TBCC: variants seen among roughly 807,000 people sequenced by gnomAD.
TBCC encodes tubulin-specific chaperone C.
Under a neutral mutation model 25.3 loss-of-function variants are expected in TBCC, and 25 were observed. The observed-to-expected ratio is 0.99, with a 90% CI of 0.72 to 1.38. The LOEUF (loss-of-function observed/expected upper bound fraction) is 1.38. Among genes scored for constraint, TBCC ranks in the 40% most tolerant of loss-of-function variants. The probability of loss-of-function intolerance (pLI) is 0.00; values close to 1 mark genes in which losing one functional copy is unlikely to be tolerated. For missense variants in TBCC, 507 were observed against 447.2 expected, an observed-to-expected ratio of 1.13 and a Z score of -1.21; for synonymous variants, 226 against 192.8, an observed-to-expected ratio of 1.17 and a Z score of -1.43.
chr6:42,745,194 A>C lies in TBCC; in HGVS notation c.880T>G (p.Trp294Gly), dbSNP rs767724244. ...TCCTTGTCGATCTCCGGGTAGCTCC[A>C]GGTGTAAGGGGCGAACTGGATCCCA... ...CSGIQFAPYT[W>G]SYPEIDKDFE... is the part of the protein sequence containing the mutation. The change falls in exon 1 of 1, where the codon TGG becomes GGG. Residue 294 changes from tryptophan to glycine, a missense_variant. Trp to Gly is a radical substitution (Grantham distance 184, BLOSUM62 -2). Transcript: ENST00000372876. This position sits in a 1 kb window ranked among gnomAD's most constrained non-coding sequence, Gnocchi z 4.2. 1 of 1,614,200 alleles carries C rather than the reference A, an allele frequency of 6.2e-7. No homozygotes were observed. The highest frequency in any genetic ancestry group is 1.1e-5 in the South Asian group (1 of 91,082).
rs1213753387 is a variant in TBCC, at chr6:42,746,061, T to C, written c.13A>G (p.Ser5Gly). 3.7e-6 allele frequency: 6 copies of C among 1,612,922 alleles called. No homozygotes were observed. Among genetic ancestry groups the C allele is most frequent in the Non-Finnish European group, 5.1e-6 (6 of 1,179,260 alleles). The change falls in exon 1 of 1, where the codon AGT becomes GGT. Residue 5 changes from serine to glycine, a missense_variant. By Grantham distance (56) the Ser-to-Gly change is moderately conservative (BLOSUM62 0). Coordinates refer to ENST00000372876, the MANE Select transcript of TBCC (RefSeq NM_003192.3). ...GTCCTGACAGCAGCAGCGGAGCAAC[T>C]GACGGACTCCATATTGGCTTCAAGC... is the stretch of plus-strand genomic sequence containing the variant. MESV[S>G]CSAAAVRTGD...
In TBCC at chr6:42,745,398, G is replaced by T; in HGVS notation, c.676C>A (p.Arg226=). Reference sequence around the variant, plus strand: ...TTGCAGCTGTGGGCCTTGGTTAGCCGCAGGGTGTTGGGATTTCCATACAGT... The same window carrying T: ...TTGCAGCTGTGGGCCTTGGTTAGCCTCAGGGTGTTGGGATTTCCATACAGT... The part of the protein sequence containing the change: ...VRLYGNPNTL[R]LTKAHSCKLL... The change falls in exon 1 of 1, where the codon CGG becomes AGG. Residue 226 remains arginine (R), a synonymous_variant. Transcript: ENST00000372876. This position sits in a 1 kb window ranked among gnomAD's most constrained non-coding sequence, Gnocchi z 4.2. 1.2e-6 allele frequency: 2 copies of T among 1,614,202 alleles called. No individual in the cohort carries two copies. The highest frequency in any genetic ancestry group is 1.3e-5 in the African/African-American group (1 of 75,054).
At position 42,745,744 on chromosome 6, in the gene TBCC, C is replaced by T; in HGVS notation, c.330G>A (p.Leu110=). The part of the protein sequence containing the change: ...DSVFFLAAYD[L]RQGQEALARL... ...GCGCCAGCGCCTCTTGTCCCTGCCGCAGGTCGTAAGCGGCTAGGAAAAAAA... is the reference window on the plus strand; with the variant it reads ...GCGCCAGCGCCTCTTGTCCCTGCCGTAGGTCGTAAGCGGCTAGGAAAAAAA... Residue 110 remains leucine, a synonymous_variant, in exon 1 of 1, where the codon CTG becomes CTA. Coordinates refer to ENST00000372876, the MANE Select transcript of TBCC (RefSeq NM_003192.3). The surrounding 1 kb of genome is among the most constrained non-coding windows in gnomAD (Gnocchi z 4.2). 5 of 1,613,954 alleles carry T rather than the reference C, an allele frequency of 3.1e-6. No homozygotes were observed. The highest frequency in any genetic ancestry group is 4.2e-6 in the Non-Finnish European group (5 of 1,179,982).
chr6:42,745,933 C>G lies in TBCC; in HGVS notation c.141G>C (p.Arg47=). 6.2e-7 allele frequency: 1 copy of G among 1,614,232 alleles called. No individual in the cohort carries two copies. Among genetic ancestry groups the G allele is most frequent in the South Asian group, 1.1e-5 (1 of 91,092 alleles). The change falls in exon 1 of 1, where the codon CGG becomes CGC. Residue 47 remains arginine, a synonymous_variant. Transcript: ENST00000372876. The surrounding 1 kb of genome is among the most constrained non-coding windows in gnomAD (Gnocchi z 4.2). The part of the protein sequence containing the change: ...QLEVERRKQK[R]QNQEVEKENS... ...TCTCCTTCTCTACCTCCTGGTTCTG[C>G]CGCTTTTGTTTCCGCCTTTCAACTT...
In TBCC at chr6:42,745,537, G is replaced by A. The variant is rs985728818; in HGVS notation, c.537C>T (p.Gly179=). The A allele has an allele frequency of 5.0e-6, 8 of 1,611,114 alleles. No homozygotes were observed. The African/African-American group carries it at 1.1e-4, about 22-fold the overall frequency. The part of the protein sequence containing the change: ...PLPKKAEGDL[G]PSWVCGFSNL... ...TGGAGAAACCGCAGACCCAGCTGGG[G>A]CCGAGGTCTCCTTCCGCCTTCTTGG... Residue 179 remains glycine, a synonymous_variant, in exon 1 of 1, where the codon GGC becomes GGT. Transcript: ENST00000372876. This position sits in a 1 kb window ranked among gnomAD's most constrained non-coding sequence, Gnocchi z 4.2.
At position 42,745,219 on chromosome 6, in the gene TBCC, A is replaced by C. The variant is rs561730671; in HGVS notation, c.855T>G (p.Ser285Arg). 8.7e-6 allele frequency: 14 copies of C among 1,614,202 alleles called. No individual in the cohort carries two copies. The highest frequency in any genetic ancestry group is 1.1e-5 in the Non-Finnish European group (13 of 1,180,042). The stretch of plus-strand genomic sequence containing the variant: ...AGGTGTAAGGGGCGAACTGGATCCC[A>C]CTGCAGTCCTCCACGATGGCCCTGC... The part of the protein sequence containing the change: ...VTSRAIVEDC[S>R]GIQFAPYTWS... Residue 285 changes from serine to arginine, a missense_variant, in exon 1 of 1, where the codon AGT becomes AGG. Physicochemically the swap from Ser to Arg is moderately radical, Grantham distance 110. Transcript: ENST00000372876. This position sits in a 1 kb window ranked among gnomAD's most constrained non-coding sequence, Gnocchi z 4.2.
Position 42,745,592 on chromosome 6 carries a change from G to A in TBCC, c.482C>T (p.Ala161Val). 1 of 1,611,512 alleles carries A rather than the reference G, an allele frequency of 6.2e-7. No homozygotes were observed. The highest frequency in any genetic ancestry group is 8.5e-7 in the Non-Finnish European group (1 of 1,178,320). The stretch of plus-strand genomic sequence containing the variant: ...CGGGGAGTCCTGTATGCTTTCAACT[G>A]CCGGGGGGATGCCAGGAGCCGCGTC... ...KVDAAPGIPP[A>V]VESIQDSPLP... Residue 161 changes from alanine to valine, a missense_variant, in exon 1 of 1, where the codon GCA (alanine) becomes GTA (valine). Transcript: ENST00000372876. The surrounding 1 kb of genome is among the most constrained non-coding windows in gnomAD (Gnocchi z 4.2).
chr6:42,745,336 C>T lies in TBCC; in HGVS notation c.738G>A (p.Leu246=). Residue 246 remains leucine, a synonymous_variant, in exon 1 of 1, where the codon CTG becomes CTA. Transcript: ENST00000372876. The surrounding 1 kb of genome is among the most constrained non-coding windows in gnomAD (Gnocchi z 4.2). ...CCAGCACGCAGTCACTGCAGTCCTC[C>T]AGGAAAACAGAGGTAGACACCGGAC... The part of the protein sequence containing the change: ...LCGPVSTSVF[L]EDCSDCVLAV... 1.9e-6 allele frequency: 3 copies of T among 1,614,242 alleles called. No homozygotes were observed. The highest frequency in any genetic ancestry group is 2.5e-6 in the Non-Finnish European group (3 of 1,180,042).
In TBCC at chr6:42,745,667, C is replaced by T; in HGVS notation, c.407G>A (p.Arg136His). ...CTTTCCCCGGGTCTTGAAAGCGAAA[C>T]GCTTCTTGGGCTGCAGCCCCCGGCG... ...ERRRGLQPKK[R>H]FAFKTRGKDA... Residue 136 changes from arginine to histidine, a missense_variant, in exon 1 of 1, where the codon CGT (arginine) becomes CAT (histidine). Transcript: ENST00000372876. This position sits in a 1 kb window ranked among gnomAD's most constrained non-coding sequence, Gnocchi z 4.2. The T allele has an allele frequency of 6.2e-7, 1 of 1,611,834 alleles. No homozygotes were observed. Among genetic ancestry groups the T allele is most frequent in the East Asian group, 2.2e-5 (1 of 44,852 alleles).
At position 42,744,979 on chromosome 6, in the gene TBCC, G is replaced by T; in HGVS notation, c.*54C>A. The T allele has an allele frequency of 6.5e-7, 1 of 1,545,518 alleles. No individual in the cohort carries two copies. The highest frequency in any genetic ancestry group is 8.8e-7 in the Non-Finnish European group (1 of 1,133,216). ...GTAAACTTCGAGACCCAATAAGGGG[G>T]AAAGTCCAACGTGGAAAGTATTTGG... On this transcript the variant is annotated 3_prime_UTR_variant, in exon 1 of 1. Transcript: ENST00000372876.
In TBCC at chr6:42,744,716, GACA is replaced by G. The variant is rs2152015412; in HGVS notation, c.*314_*316del. On this transcript the variant is annotated 3_prime_UTR_variant, in exon 1 of 1. Coordinates refer to ENST00000372876, the MANE Select transcript of TBCC (RefSeq NM_003192.3). ...AGGTCAGGAGTTCGAGAGCAGCCCG[GACA>G]ACATGGCGAAACCCCGTCTCTACTA... The G allele has an allele frequency of 5.6e-6, 1 of 178,882 alleles. No individual in the cohort carries two copies. Among genetic ancestry groups the G allele is most frequent in the East Asian group, 1.5e-4 (1 of 6,666 alleles). 11.1% of individuals were successfully genotyped at this position (178,882 alleles called of 1,614,324 possible). A position where few individuals can be genotyped will look rare whatever the true frequency, so the allele number is the denominator to read the frequency against.
Position 42,745,098 on chromosome 6 carries a change from G to A in TBCC, c.976C>T (p.Arg326Trp). The stretch of plus-strand genomic sequence containing the variant: ...CTCCAGTTTGGGGAGGCCATATCCC[G>A]GGCCAGCCAGTTAAAATCGTCAACA... Reference protein sequence around the residue: ...NDVDDFNWLARDMASPNWSIL... With the variant: ...NDVDDFNWLAWDMASPNWSIL... Residue 326 changes from arginine to tryptophan, a missense_variant, in exon 1 of 1, where the codon CGG becomes TGG. Physicochemically the swap from Arg to Trp is moderately radical, Grantham distance 101. Transcript: ENST00000372876. The surrounding 1 kb of genome is among the most constrained non-coding windows in gnomAD (Gnocchi z 4.2). 6.2e-7 allele frequency: 1 copy of A among 1,614,180 alleles called. No individual in the cohort carries two copies. Among genetic ancestry groups the A allele is most frequent in the Non-Finnish European group, 8.5e-7 (1 of 1,180,036 alleles).
Position 42,745,430 on chromosome 6 carries a change from G to A in TBCC, c.644C>T (p.Thr215Met), listed in dbSNP as rs755548389. The A allele has an allele frequency of 2.8e-5, 45 of 1,614,060 alleles. No homozygotes were observed. Among genetic ancestry groups the A allele is most frequent in the Non-Finnish European group, 3.6e-5 (42 of 1,180,028 alleles). The change falls in exon 1 of 1, where the codon ACG (threonine) becomes ATG (methionine). Residue 215 changes from threonine to methionine, a missense_variant. Coordinates refer to ENST00000372876, the MANE Select transcript of TBCC (RefSeq NM_003192.3). The surrounding 1 kb of genome is among the most constrained non-coding windows in gnomAD (Gnocchi z 4.2). ...GTTGGGATTTCCATACAGTCTGACC[G>A]TGCAGTTGCTCAGTTCGGTCAAAAG... Reference protein sequence around the residue: ...DVLLTELSNCTVRLYGNPNTL... With the variant: ...DVLLTELSNCMVRLYGNPNTL...
Position 42,745,938 on chromosome 6 carries a change from T to G in TBCC, c.136A>C (p.Lys46Gln). The change falls in exon 1 of 1, where the codon AAG becomes CAG. Residue 46 changes from lysine (K) to glutamine (Q), a missense_variant. By Grantham distance (53) the Lys-to-Gln change is moderately conservative. Transcript: ENST00000372876. The surrounding 1 kb of genome is among the most constrained non-coding windows in gnomAD (Gnocchi z 4.2). ...RQLEVERRKQ[K>Q]RQNQEVEKEN... ...TTCTCTACCTCCTGGTTCTGCCGCT[T>G]TTGTTTCCGCCTTTCAACTTCCAGC... 6.2e-7 allele frequency: 1 copy of G among 1,614,198 alleles called. No homozygotes were observed. The highest frequency in any genetic ancestry group is 1.1e-5 in the South Asian group (1 of 91,088).
Position 42,744,974 on chromosome 6 carries a change from A to G in TBCC, c.*59T>C, listed in dbSNP as rs1367223105. The G allele has an allele frequency of 2.6e-6, 4 of 1,522,792 alleles. No homozygotes were observed. In the African/African-American group the frequency reaches 5.5e-5, roughly 21 times the overall value. The allele number at this position is 1,522,792 out of a possible 1,614,324, so 94.3% of individuals were successfully genotyped here. On this transcript the variant is annotated 3_prime_UTR_variant, in exon 1 of 1. Transcript: ENST00000372876. ...AATAAGTAAACTTCGAGACCCAATA[A>G]GGGGGAAAGTCCAACGTGGAAAGTA... is the stretch of plus-strand genomic sequence containing the variant.
Position 42,745,100 on chromosome 6 carries a change from G to A in TBCC, c.974C>T (p.Ala325Val), listed in dbSNP as rs1582791518. ...WNDVDDFNWL[A>V]RDMASPNWSI... ...CCAGTTTGGGGAGGCCATATCCCGG[G>A]CCAGCCAGTTAAAATCGTCAACATC... is the stretch of plus-strand genomic sequence containing the variant. Residue 325 changes from alanine (A) to valine (V), a missense_variant, in exon 1 of 1, where the codon GCC becomes GTC. Transcript: ENST00000372876. This position sits in a 1 kb window ranked among gnomAD's most constrained non-coding sequence, Gnocchi z 4.2. 6.2e-7 allele frequency: 1 copy of A among 1,614,068 alleles called. No individual in the cohort carries two copies. Among genetic ancestry groups the A allele is most frequent in the African/African-American group, 1.3e-5 (1 of 74,924 alleles).
At position 42,744,754 on chromosome 6, in the gene TBCC, G is replaced by T; in HGVS notation, c.*279C>A. The T allele has an allele frequency of 4.1e-6, 1 of 242,724 alleles. No individual in the cohort carries two copies. 15.0% of individuals were successfully genotyped at this position (242,724 alleles called of 1,614,324 possible). On this transcript the variant is annotated 3_prime_UTR_variant, in exon 1 of 1. Coordinates refer to ENST00000372876, the MANE Select transcript of TBCC (RefSeq NM_003192.3). The stretch of plus-strand genomic sequence containing the variant: ...AACCCCGTCTCTACTAAAAATACAA[G>T]TTCGCGTGGTGGCGCGCGCCTGTAA...
In TBCC at chr6:42,745,696, C is replaced by T; in HGVS notation, c.378G>A (p.Glu126=). 1 of 1,611,998 alleles carries T rather than the reference C, an allele frequency of 6.2e-7. No individual in the cohort carries two copies. Among genetic ancestry groups the T allele is most frequent in the Non-Finnish European group, 8.5e-7 (1 of 1,179,266 alleles). The part of the protein sequence containing the change: ...ALARLQAALA[E]RRRGLQPKKR... ...TCTTGGGCTGCAGCCCCCGGCGCCG[C>T]TCGGCCAAGGCCGCCTGCAGCCGCG... The change falls in exon 1 of 1, where the codon GAG becomes GAA. Residue 126 remains glutamate, a synonymous_variant. Transcript: ENST00000372876. The surrounding 1 kb of genome is among the most constrained non-coding windows in gnomAD (Gnocchi z 4.2).
Position 42,745,625 on chromosome 6 carries a change from G to T in TBCC, c.449C>A (p.Thr150Asn). The T allele has an allele frequency of 1.9e-6, 3 of 1,613,050 alleles. No homozygotes were observed. The highest frequency in any genetic ancestry group is 2.5e-6 in the Non-Finnish European group (3 of 1,179,464). Residue 150 changes from threonine to asparagine, a missense_variant, in exon 1 of 1, where the codon ACC becomes AAC. Coordinates refer to ENST00000372876, the MANE Select transcript of TBCC (RefSeq NM_003192.3). The surrounding 1 kb of genome is among the most constrained non-coding windows in gnomAD (Gnocchi z 4.2). ...KTRGKDAASS[T>N]KVDAAPGIPP... is the part of the protein sequence containing the mutation. ...GATGCCAGGAGCCGCGTCTACTTTGGTAGACGAAGCAGCATCCTTTCCCCG... is the reference window on the plus strand; with the variant it reads ...GATGCCAGGAGCCGCGTCTACTTTGTTAGACGAAGCAGCATCCTTTCCCCG...
Sources: allele counts gnomAD v4.1 joint callset, GRCh38; gene constraint gnomAD v4.1.1; non-coding constraint Gnocchi (gnomAD v3.1); transcripts MANE v1.5; gene names NCBI Gene and HGNC (gene_info 2026-07-23, HGNC 2026-07-21).